The following RBM17 variants were observed in gnomAD, a reference collection of about 807,000 sequenced individuals.
RBM17 encodes RNA binding motif protein 17, also known as splicing factor 45.
A neutral mutation model predicts 53.2 loss-of-function variants in RBM17; 7 were observed. The observed-to-expected ratio is 0.13, with a 90% confidence interval of 0.07 to 0.25. The LOEUF is 0.25. Among genes scored for constraint, RBM17 ranks in the 10% least tolerant of loss-of-function variants. The pLI, the probability that RBM17 is intolerant of heterozygous loss-of-function variation, is 1.00. For missense variants in RBM17, 257 were observed against 496.7 expected (o/e 0.52, Z 4.59); for synonymous variants, 167 against 178.1 (o/e 0.94, Z 0.50).
At position 6,116,443 on chromosome 10, in the gene RBM17, C is replaced by T. The variant is rs1347416674; in HGVS notation, c.*887C>T. ...ATCCACGTTGGCCAAGTAAACTGTACTGCCAATAGAATTCTGGAATTGTGA... is the reference window on the plus strand; with the variant it reads ...ATCCACGTTGGCCAAGTAAACTGTATTGCCAATAGAATTCTGGAATTGTGA... On this transcript the variant is annotated 3_prime_UTR_variant, in exon 12 of 12. Transcript: ENST00000379888. The T allele has an allele frequency of 6.6e-6, 1 of 152,316 alleles. No individual in the cohort carries two copies. The highest frequency in any genetic ancestry group is 1.9e-4 in the East Asian group (1 of 5,340). The allele number at this position is 152,316 out of a possible 1,614,324, so 9.4% of individuals were successfully genotyped here. A position where few individuals can be genotyped will look rare whatever the true frequency, so the allele number is the denominator to read the frequency against.
intron 1 of RBM17, among the ~76,000 whole-genome samples, chr10:6,093,082 G>C (rs559974313): frequency 6.6e-6 from 1 of 152,344 alleles, no homozygotes; most frequent in East Asian, 1.9e-4. Flanking sequence ...TACACTGCTA[G>C]ATTTTTAGCC....
rs41295351 is a variant in RBM17, at chr10:6,110,252, G to A, written c.704+125G>A. ...GACCCTTGGTGTGTGCAGGTCACAC[G>A]GTACCTGCCTCAATCGTGTGGAGCG... On this transcript the variant is annotated intron_variant, in intron 7 of 11. Transcript: ENST00000379888. The A allele has an allele frequency of 6.9e-3, 4,978 of 720,750 alleles. 31 individuals carry two copies. The highest frequency in any genetic ancestry group is 8.8e-3 in the Non-Finnish European group (4,255 of 484,772). The allele number at this position is 720,750 out of a possible 1,614,324, so 44.6% of individuals were successfully genotyped here.
intron 4 of RBM17, 80 bp downstream of exon 4, chr10:6,105,177 CT>C: frequency 7.6e-7 from 1 of 1,320,642 alleles, no homozygotes; most frequent in South Asian, 1.3e-5. Flanking sequence ...TCGCTGCTGT[CT>C]GTAAGGCTGA....
chr10:6,106,123 T>C lies in RBM17; in HGVS notation c.408-18T>C. 6.3e-7 allele frequency: 1 copy of C among 1,587,030 alleles called. No individual in the cohort carries two copies. Among genetic ancestry groups the C allele is most frequent in the Non-Finnish European group, 8.7e-7 (1 of 1,155,724 alleles). ...TTGGTTCATCTGTGATGAACATTTATTTCCTTTGTTATCACAGAAGGCGTA... is the reference window on the plus strand; with the variant it reads ...TTGGTTCATCTGTGATGAACATTTACTTCCTTTGTTATCACAGAAGGCGTA... On this transcript the variant is annotated intron_variant, in intron 4 of 11. Transcript: ENST00000379888.
At position 6,112,468 on chromosome 10, in the gene RBM17, G is replaced by A. The variant is rs1351318870; in HGVS notation, c.856+107G>A. The A allele has an allele frequency of 2.2e-6, 3 of 1,360,366 alleles. No individual in the cohort carries two copies. The highest frequency in any genetic ancestry group is 1.9e-5 in the Admixed American group (1 of 52,224). The allele number at this position is 1,360,366 out of a possible 1,614,324, so 84.3% of individuals were successfully genotyped here. On this transcript the variant is annotated intron_variant, in intron 8 of 11. Transcript: ENST00000379888. This position sits in a 1 kb window ranked among gnomAD's most constrained non-coding sequence, Gnocchi z 4.4. The stretch of plus-strand genomic sequence containing the variant: ...TGTCAGCAGGGGGACAATGAGGCGT[G>A]TGGCCAGAGGGAGAGGGCTGGCCCT...
In RBM17 at chr10:6,089,755, TCCGAC is replaced by T. The variant is rs1840453559; in HGVS notation, c.-19+565_-19+569del. The stretch of plus-strand genomic sequence containing the variant: ...TTTGAGCGGTGTTTCAGCGCTCACG[TCCGAC>T]CCCAGGCAGTCTTTGAGCTTCGCCT... On this transcript the variant is annotated intron_variant, in intron 1 of 11. Coordinates refer to ENST00000379888, the MANE Select transcript of RBM17 (RefSeq NM_032905.5). The surrounding 1 kb of genome is among the most constrained non-coding windows in gnomAD (Gnocchi z 5.6). 1 of 152,380 alleles carries T rather than the reference TCCGAC, an allele frequency of 6.6e-6. No individual in the cohort carries two copies. The highest frequency in any genetic ancestry group is 2.4e-5 in the African/African-American group (1 of 41,440). The allele number at this position is 152,380 out of a possible 1,614,324, so 9.4% of individuals were successfully genotyped here.
At chr10:6,105,997 T>G in intron 4 of RBM17, 144 bp from the exon 5 acceptor site, 2 of 578,748 alleles carry the variant, frequency 3.5e-6, no homozygotes, top group Admixed American at 3.1e-5. Flanking sequence ...TTACCAGTTA[T>G]GCTTCCTACC....
chr10:6,106,921 T>C (rs935770344), intron 5 of RBM17, among the ~76,000 whole-genome samples: 2 of 152,234 alleles, frequency 1.3e-5, no homozygotes, highest in Non-Finnish European at 1.5e-5. Flanking sequence ...TTAATGTGAT[T>C]AGTAGCAGAT....
chr10:6,100,963 AAAG>A (rs552999455), intron 2 of RBM17, among the ~76,000 whole-genome samples: 40 of 152,340 alleles, frequency 2.6e-4, no homozygotes, highest in African/African-American at 9.1e-4. Flanking sequence ...GATTCATAAT[AAAG>A]GAGATAGGAA....
At chr10:6,107,409 G>A (rs745407312) in intron 5 of RBM17, among the ~76,000 whole-genome samples, 1 of 147,000 alleles carries the variant, frequency 6.8e-6, no homozygotes, top group Non-Finnish European at 1.5e-5. Flanking sequence ...AACTCCTGAC[G>A]TCAAGTGATC....
intron 5 of RBM17, among the ~76,000 whole-genome samples, chr10:6,108,087 C>T (rs975056094): frequency 1.3e-5 from 2 of 152,128 alleles, no homozygotes; most frequent in Non-Finnish European, 2.9e-5. Context: ...AGTGACAACA[C>T]GCAGCAGTTT....
intron 1 of RBM17, among the ~76,000 whole-genome samples, chr10:6,094,877 T>C (rs1840549219): frequency 6.6e-6 from 1 of 152,190 alleles, no homozygotes; most frequent in Admixed American, 6.5e-5. Flanking sequence ...TAAACTGCAG[T>C]TTGGCCTCAT....
intron 5 of RBM17, chr10:6,108,427 C>T: frequency 2.2e-6 from 1 of 461,848 alleles, no homozygotes; most frequent in Non-Finnish European, 3.8e-6. Context: ...AATTCATTTG[C>T]AGACTACATT....
intron 1 of RBM17, among the ~76,000 whole-genome samples, chr10:6,091,029 A>ATTTATATATT (rs367876302): frequency 0.31 from 44,114 of 141,032 alleles, 7,833 homozygotes; most frequent in South Asian, 0.44. Context: ...ATTTATATAT[A>ATTTATATATT]TTTATATATT....
chr10:6,098,270 G>A (rs1230067295), intron 2 of RBM17, among the ~76,000 whole-genome samples: 2 of 152,192 alleles, frequency 1.3e-5, no homozygotes, highest in East Asian at 1.9e-4. Flanking sequence ...TATCTGTGGT[G>A]TGAAAATTTC....
At chr10:6,105,161 T>C in intron 4 of RBM17, 64 bp downstream of exon 4, 1 of 1,455,924 alleles carries the variant, frequency 6.9e-7, no homozygotes, top group East Asian at 2.4e-5. Flanking sequence ...TGTTAACGAA[T>C]GAGCGTCGCT....
At chr10:6,111,788 C>T (rs1337407101) in intron 7 of RBM17, among the ~76,000 whole-genome samples, 1 of 152,176 alleles carries the variant, frequency 6.6e-6, no homozygotes, top group Admixed American at 6.5e-5. Flanking sequence ...TCATTGGAAA[C>T]TCTCCTGTGC....
At chr10:6,100,733 G>A (rs966739932) in intron 2 of RBM17, among the ~76,000 whole-genome samples, 1 of 152,288 alleles carries the variant, frequency 6.6e-6, no homozygotes, top group South Asian at 2.1e-4. Context: ...AATGTGAACT[G>A]GATGGGAAAT....
At position 6,101,300 on chromosome 10, in the gene RBM17, C is replaced by G; in HGVS notation, c.153C>G (p.Leu51=). The part of the protein sequence containing the change: ...KSQRTKQSTV[L]APVIDLKRGG... ...AAAGGACGAAACAAAGTACAGTCCT[C>G]GCCCCAGTCATTGACCTGAAGCGAG... Residue 51 remains leucine, a synonymous_variant, in exon 3 of 12, where the codon CTC becomes CTG. Transcript: ENST00000379888. The G allele has an allele frequency of 1.2e-6, 2 of 1,612,880 alleles. No homozygotes were observed. Among genetic ancestry groups the G allele is most frequent in the Non-Finnish European group, 1.7e-6 (2 of 1,179,720 alleles).
Sources: allele counts gnomAD v4.1 joint callset (sites outside exome capture counted in the v4.1 genomes callset), GRCh38; gene constraint gnomAD v4.1.1; non-coding constraint Gnocchi (gnomAD v3.1); transcripts MANE v1.5; gene names NCBI Gene and HGNC (gene_info 2026-07-23, HGNC 2026-07-21).